SLC7A2: variants seen among roughly 807,000 people sequenced by gnomAD.
SLC7A2 encodes the protein cationic amino acid transporter 2.
Under a neutral mutation model 58.9 loss-of-function variants are expected in SLC7A2, and 48 were observed. The observed-to-expected ratio is 0.82, with a 90% CI of 0.65 to 1.04. SLC7A2 has a LOEUF of 1.04. Among genes scored for constraint, SLC7A2 ranks in the 50% least tolerant of loss-of-function variants. SLC7A2 has a pLI of 0.00. For missense variants in SLC7A2, 1,029 were observed against 818.8 expected (o/e 1.26, Z -3.13); for synonymous variants, 363 against 314.5 (o/e 1.15, Z -1.63).
intron 2 of SLC7A2, among the ~76,000 whole-genome samples, chr8:17,515,924 A>G (rs1800786112): frequency 6.6e-6 from 1 of 152,084 alleles, no homozygotes; most frequent in African/African-American, 2.4e-5. Context: ...TTTATTAGGG[A>G]GATTTGCATT....
intron 2 of SLC7A2, among the ~76,000 whole-genome samples, chr8:17,530,815 T>TC (rs1364939370): frequency 1.3e-5 from 2 of 152,050 alleles, no homozygotes; most frequent in Non-Finnish European, 2.9e-5. Context: ...CAAGTGATCC[T>TC]CCTGCCTTGG....
At chr8:17,534,153 C>G (rs566704167) in intron 2 of SLC7A2, among the ~76,000 whole-genome samples, 1 of 152,192 alleles carries the variant, frequency 6.6e-6, no homozygotes, top group South Asian at 2.1e-4. Flanking sequence ...TTTTCTTTAT[C>G]CTGTCTATTA....
intron 2 of SLC7A2, among the ~76,000 whole-genome samples, chr8:17,526,280 A>G (rs1801219987): frequency 6.6e-6 from 1 of 152,162 alleles, no homozygotes; most frequent in Admixed American, 6.5e-5. Context: ...GTTTGTGAAA[A>G]ATGGCAAAGA....
chr8:17,544,023 C>T (rs376803232), intron 3 of SLC7A2, among the ~76,000 whole-genome samples: 3 of 152,178 alleles, frequency 2.0e-5, no homozygotes, highest in East Asian at 1.9e-4. Context: ...CACCTGCCAC[C>T]ATGCCTGGCT....
intron 10 of SLC7A2, 102 bp downstream of exon 10, chr8:17,560,635 A>G (rs1333686199): frequency 1.0e-6 from 1 of 966,892 alleles, no homozygotes; most frequent in Non-Finnish European, 1.6e-6. Context: ...TTGCCCTAGA[A>G]TATATTAGCA....
intron 2 of SLC7A2, among the ~76,000 whole-genome samples, chr8:17,503,124 C>T (rs989396930): frequency 2.0e-5 from 3 of 151,980 alleles, no homozygotes; most frequent in Non-Finnish European, 4.4e-5. Flanking sequence ...GATCTCGGCT[C>T]GCTGCAAGCT....
intron 2 of SLC7A2, among the ~76,000 whole-genome samples, chr8:17,542,557 G>A (rs562143502): frequency 6.6e-5 from 10 of 152,148 alleles, no homozygotes; most frequent in African/African-American, 1.9e-4. Flanking sequence ...AGACTAAGGC[G>A]AGAGGATTGA....
chr8:17,565,265 C>A lies in SLC7A2; in HGVS notation c.*119C>A. On this transcript the variant is annotated 3_prime_UTR_variant, in exon 13 of 13. Coordinates refer to ENST00000494857, the MANE Select transcript of SLC7A2 (RefSeq NM_001370338.1). ...GGGTTTGCTGCATACATAGTTCACC[C>A]TAATTTATACTTACTCATCTGGACA... 1 of 724,284 alleles carries A rather than the reference C, an allele frequency of 1.4e-6. No individual in the cohort carries two copies. The highest frequency in any genetic ancestry group is 2.3e-6 in the Non-Finnish European group (1 of 443,612). 44.9% of individuals were successfully genotyped at this position (724,284 alleles called of 1,614,324 possible). A position where few individuals can be genotyped will look rare whatever the true frequency, so the allele number is the denominator to read the frequency against.
intron 1 of SLC7A2, among the ~76,000 whole-genome samples, chr8:17,500,799 TACACACACAC>T (rs60002166): frequency 0.074 from 10,807 of 145,874 alleles, 730 homozygotes; most frequent in East Asian, 0.23. Context: ...AACACACACA[TACACACACAC>T]ACACACACAC....
rs76505310 is a variant in SLC7A2 at position 17,504,132 on chromosome 8, A to G, written c.-23+1830A>G. ...GGACCTTTGTGAAGGCATTGGTAGA[A>G]GAATAACAAACTACTAAGAATTCAG... On this transcript the variant is annotated intron_variant, in intron 2 of 12. Coordinates refer to ENST00000494857, the MANE Select transcript of SLC7A2 (RefSeq NM_001370338.1). Among the ~76,000 whole-genome samples the G allele has an allele frequency of 8.3e-3, 1,258 of 152,360 alleles. 19 individuals carry two copies. The highest frequency in any genetic ancestry group is 0.028 in the African/African-American group (1,184 of 41,574).
At chr8:17,495,110 T>G (rs557436427), upstream of SLC7A2, among the ~76,000 whole-genome samples, 1 of 152,370 alleles carries the variant, frequency 6.6e-6, no homozygotes, top group East Asian at 1.9e-4. Flanking sequence ...TGCTTAAGTT[T>G]AAAAATAGGA....
Position 17,518,767 on chromosome 8 carries a change from G to C in SLC7A2, c.-23+16465G>C, listed in dbSNP as rs140926187. On this transcript the variant is annotated intron_variant, in intron 2 of 12. Coordinates refer to ENST00000494857, the MANE Select transcript of SLC7A2 (RefSeq NM_001370338.1). ...ACTTGATTTTGTCTGACATTGTCCT[G>C]ACATTGATCTGTACTAGCATCTTAG... Among the ~76,000 whole-genome samples, 1,324 of 152,188 alleles carry C rather than the reference G, an allele frequency of 8.7e-3. 6 individuals carry two copies. Among genetic ancestry groups the C allele is most frequent in the Non-Finnish European group, 0.015 (992 of 67,996 alleles).
chr8:17,562,262 G>A, intron 11 of SLC7A2, 152 bp downstream of exon 11: 1 of 777,554 alleles, frequency 1.3e-6, no homozygotes, highest in Admixed American at 3.2e-5. Flanking sequence ...GTGCAATGGA[G>A]CGAAGTGATC....
chr8:17,561,928 A>G lies in SLC7A2; in HGVS notation c.1505-16A>G, dbSNP rs1326217790. 1 of 1,613,416 alleles carries G rather than the reference A, an allele frequency of 6.2e-7. No homozygotes were observed. Among genetic ancestry groups the G allele is most frequent in the Non-Finnish European group, 8.5e-7 (1 of 1,179,632 alleles). On this transcript the variant is annotated splice_polypyrimidine_tract_variant and intron_variant, in intron 10 of 12. Coordinates refer to ENST00000494857, the MANE Select transcript of SLC7A2 (RefSeq NM_001370338.1). ...GCACAGTGTGCTGACTCTGTTATCT[A>G]CACATCCCCCTGCAGCTTTCCTCGT...
At chr8:17,501,424 T>G (rs529307341) in intron 1 of SLC7A2, among the ~76,000 whole-genome samples, 1 of 152,328 alleles carries the variant, frequency 6.6e-6, no homozygotes, top group African/African-American at 2.4e-5. Flanking sequence ...TTTGAGTTAA[T>G]AAGGCTATTT....
chr8:17,565,726 A>G lies in SLC7A2; in HGVS notation c.*580A>G, dbSNP rs2150790461. ...ACTTTTCAATAAGTTGTGAATGCCA[A>G]CAGTGGGTTTAATGCAAATTTTTTT... is the stretch of plus-strand genomic sequence containing the variant. On this transcript the variant is annotated 3_prime_UTR_variant, in exon 13 of 13. Coordinates refer to ENST00000494857, the MANE Select transcript of SLC7A2 (RefSeq NM_001370338.1). 2 of 152,536 alleles carry G rather than the reference A, an allele frequency of 1.3e-5. No individual in the cohort carries two copies. Among genetic ancestry groups the G allele is most frequent in the Middle Eastern group, 3.4e-3 (1 of 294 alleles). 9.4% of individuals were successfully genotyped at this position (152,536 alleles called of 1,614,324 possible). A position where few individuals can be genotyped will look rare whatever the true frequency, so the allele number is the denominator to read the frequency against.
intron 2 of SLC7A2, among the ~76,000 whole-genome samples, chr8:17,518,968 T>G (rs1224918232): frequency 6.6e-6 from 1 of 152,144 alleles, no homozygotes; most frequent in African/African-American, 2.4e-5. Context: ...CCTCAGTTGG[T>G]AGAGAGAGAA....
intron 7 of SLC7A2, among the ~76,000 whole-genome samples, chr8:17,553,472 T>C (rs1035310656): frequency 1.3e-5 from 2 of 152,146 alleles, no homozygotes; most frequent in Non-Finnish European, 2.9e-5. Flanking sequence ...AACAGAGCCT[T>C]ATTAAAGATA....
chr8:17,532,432 G>T (rs190204482), intron 2 of SLC7A2, among the ~76,000 whole-genome samples: 42 of 151,908 alleles, frequency 2.8e-4, no homozygotes, highest in African/African-American at 9.4e-4. Context: ...CAAGCTTTAT[G>T]GTAATGGCCA....
Sources: allele counts gnomAD v4.1 joint callset (sites outside exome capture counted in the v4.1 genomes callset), GRCh38; gene constraint gnomAD v4.1.1; transcripts MANE v1.5; gene names NCBI Gene and HGNC (gene_info 2026-07-23, HGNC 2026-07-21).